OR14A2: variants seen among roughly 807,000 people sequenced by gnomAD.
The protein encoded by OR14A2 is olfactory receptor 14A2.
For synonymous variants in OR14A2, 114 were observed against 58.6 expected, an observed-to-expected ratio of 1.95 and a Z score of -4.32; for missense variants, 237 against 152.9, an observed-to-expected ratio of 1.55 and a Z score of -2.90.
chr1:247,728,573 G>C (rs951377881), upstream of OR14A2, among the ~76,000 whole-genome samples: 1 of 152,008 alleles, frequency 6.6e-6, no homozygotes, highest in Non-Finnish European at 1.5e-5. Flanking sequence ...GTTCTGGCCC[G>C]GGCATTTAGG....
chr1:247,734,794 G>A, the OR14A2 span, among the ~76,000 whole-genome samples: 1 of 152,126 alleles, frequency 6.6e-6, no homozygotes, highest in Non-Finnish European at 1.5e-5. Flanking sequence ...CGTCAACTTC[G>A]CAATGAATGT....
the OR14A2 span, among the ~76,000 whole-genome samples, chr1:247,740,248 C>T: frequency 1.3e-5 from 2 of 152,086 alleles, no homozygotes; most frequent in Non-Finnish European, 2.9e-5. Context: ...GCTTTATTGT[C>T]CTAGATTTTG....
the OR14A2 span, among the ~76,000 whole-genome samples, chr1:247,736,604 G>T: frequency 6.6e-6 from 1 of 152,152 alleles, no homozygotes; most frequent in South Asian, 2.1e-4. Flanking sequence ...ATCTAGCATT[G>T]GAGTCAAACA....
At chr1:247,726,138 A>C (rs1392799713), upstream of OR14A2, among the ~76,000 whole-genome samples, 1 of 123,798 alleles carries the variant, frequency 8.1e-6, no homozygotes, top group Admixed American at 7.4e-5. Context: ...ACTAGTTTAC[A>C]GTCCCACCAA....
At chr1:247,734,791 T>C in the OR14A2 span, among the ~76,000 whole-genome samples, 1 of 152,176 alleles carries the variant, frequency 6.6e-6, no homozygotes, top group African/African-American at 2.4e-5. Context: ...AAACGTCAAC[T>C]TCGCAATGAA....
the OR14A2 span, among the ~76,000 whole-genome samples, chr1:247,735,676 C>T: frequency 2.6e-5 from 4 of 152,198 alleles, no homozygotes; most frequent in African/African-American, 9.6e-5. Context: ...GAAGGAAGTG[C>T]CTAATACAGA....
At chr1:247,729,334 T>G in the OR14A2 span, among the ~76,000 whole-genome samples, 11 of 152,082 alleles carry the variant, frequency 7.2e-5, no homozygotes, top group Non-Finnish European at 4.4e-5. Flanking sequence ...AGAAAAATAA[T>G]AAAGTACTCA....
the OR14A2 span, among the ~76,000 whole-genome samples, chr1:247,745,483 C>T: frequency 1.3e-5 from 2 of 151,192 alleles, no homozygotes; most frequent in Admixed American, 6.6e-5. Context: ...TAAGCAAAAC[C>T]CCAAAGCCAG....
the OR14A2 span, among the ~76,000 whole-genome samples, chr1:247,733,191 C>A: frequency 6.6e-6 from 1 of 152,170 alleles, no homozygotes; most frequent in African/African-American, 2.4e-5. Context: ...CAGATCTTAG[C>A]TGTGACTCTC....
At chr1:247,735,599 A>G in the OR14A2 span, among the ~76,000 whole-genome samples, 1 of 152,200 alleles carries the variant, frequency 6.6e-6, no homozygotes, top group South Asian at 2.1e-4. Context: ...GTGACCTCCC[A>G]GGAGAGTCCC....
the OR14A2 span, among the ~76,000 whole-genome samples, chr1:247,729,504 G>A: frequency 2.0e-5 from 3 of 152,042 alleles, no homozygotes; most frequent in African/African-American, 7.2e-5. Context: ...AGATTTGCTT[G>A]TAGCTCTGTT....
the OR14A2 span, among the ~76,000 whole-genome samples, chr1:247,745,436 A>G: frequency 6.6e-6 from 1 of 151,714 alleles, no homozygotes; most frequent in Non-Finnish European, 1.5e-5. Context: ...TGATAGTATG[A>G]ACCATAATGT....
At chr1:247,747,637 C>G in the OR14A2 span, among the ~76,000 whole-genome samples, 3 of 152,168 alleles carry the variant, frequency 2.0e-5, no homozygotes, top group Non-Finnish European at 4.4e-5. Context: ...GCTGGGATTA[C>G]AGGCGTGAGG....
chr1:247,736,496 A>G, the OR14A2 span, among the ~76,000 whole-genome samples: 1 of 152,214 alleles, frequency 6.6e-6, no homozygotes, highest in Non-Finnish European at 1.5e-5. Context: ...TGTAAAGAAA[A>G]GCACACAGAC....
At chr1:247,736,289 C>A in the OR14A2 span, among the ~76,000 whole-genome samples, 1 of 151,614 alleles carries the variant, frequency 6.6e-6, no homozygotes, top group Non-Finnish European at 1.5e-5. Context: ...AACATATAAA[C>A]CTGAACTTAC....
the OR14A2 span, among the ~76,000 whole-genome samples, chr1:247,734,210 A>G: frequency 6.6e-6 from 1 of 152,148 alleles, no homozygotes; most frequent in African/African-American, 2.4e-5. Context: ...AACAGGGATT[A>G]GGGCACGCAG....
the OR14A2 span, chr1:247,739,156 C>A: frequency 1.3e-6 from 1 of 780,860 alleles, no homozygotes; most frequent in Non-Finnish European, 2.4e-6. Context: ...GATGTCCCTG[C>A]CCTACTAAAG....
chr1:247,734,496 G>A, the OR14A2 span, among the ~76,000 whole-genome samples: 1 of 152,122 alleles, frequency 6.6e-6, no homozygotes, highest in Non-Finnish European at 1.5e-5. Flanking sequence ...AAATGAGCTT[G>A]GGGGTTGTGT....
At chr1:247,739,903 G>C in the OR14A2 span, among the ~76,000 whole-genome samples, 3 of 152,022 alleles carry the variant, frequency 2.0e-5, no homozygotes, top group African/African-American at 7.3e-5. Context: ...TAGAGACGGA[G>C]TTCCACCATG....
Sources: gnomAD v4.1 joint callset for allele counts (sites outside exome capture counted in the v4.1 genomes callset) on GRCh38, gnomAD v4.1.1 for gene constraint, MANE v1.5 for transcripts, NCBI Gene and HGNC (gene_info 2026-07-23, HGNC 2026-07-21) for gene names.